The following FSTL4 variants were observed in gnomAD, a reference collection of about 807,000 sequenced individuals.
FSTL4 encodes the protein follistatin-related protein 4.
FSTL4 carries 28 observed loss-of-function variants against 78.2 expected under a neutral mutation model. That is an observed-to-expected ratio of 0.36 (90% CI 0.27 to 0.49). The LOEUF is 0.49. FSTL4 is among the 20% of genes least tolerant of loss of function. FSTL4 has a pLI of 0.98. For synonymous variants in FSTL4, 422 were observed against 440.5 expected (o/e 0.96, Z 0.53); for missense variants, 922 against 1,084.9 (o/e 0.85, Z 2.11).
intron 4 of FSTL4, among the ~76,000 whole-genome samples, chr5:133,341,743 G>T (rs1182607955): frequency 6.6e-6 from 1 of 152,138 alleles, no homozygotes; most frequent in Non-Finnish European, 1.5e-5. Context: ...GAAACCCTAG[G>T]TGTCAACCTT....
intron 3 of FSTL4, among the ~76,000 whole-genome samples, chr5:133,491,412 T>G (rs960632057): frequency 6.6e-6 from 1 of 151,654 alleles, no homozygotes; most frequent in Admixed American, 6.6e-5. Flanking sequence ...TTTTTTTTTT[T>G]TTTTTGAGAC....
At chr5:133,796,409 C>T in the FSTL4 span, among the ~76,000 whole-genome samples, 32 of 152,290 alleles carry the variant, frequency 2.1e-4, no homozygotes, top group Middle Eastern at 6.8e-3. Context: ...TCCTGTATCC[C>T]GAGCTCTGGT....
the FSTL4 span, among the ~76,000 whole-genome samples, chr5:133,824,554 T>A: frequency 6.6e-6 from 1 of 152,070 alleles, no homozygotes; most frequent in African/African-American, 2.4e-5. Flanking sequence ...AGTATCAGAG[T>A]ACCTGAGTAT....
intron 4 of FSTL4, among the ~76,000 whole-genome samples, chr5:133,335,330 G>A (rs1754439042): frequency 2.6e-5 from 4 of 151,882 alleles, no homozygotes; most frequent in Admixed American, 2.6e-4. Flanking sequence ...TCCCCTCCTA[G>A]GCTTCTCAAG....
chr5:133,716,558 A>C, the FSTL4 span, among the ~76,000 whole-genome samples: 1 of 152,148 alleles, frequency 6.6e-6, no homozygotes, highest in South Asian at 2.1e-4. Flanking sequence ...CTTCTGTGTA[A>C]AAGATATTAA....
chr5:133,264,382 T>G (rs1752599496), intron 6 of FSTL4, among the ~76,000 whole-genome samples: 2 of 152,148 alleles, frequency 1.3e-5, no homozygotes, highest in African/African-American at 2.4e-5. Flanking sequence ...AACTCACCCG[T>G]GTCTTGGTGG....
At position 133,236,966 on chromosome 5, in the gene FSTL4, C is replaced by T. The variant is rs1054071966; in HGVS notation, c.895-3429G>A. 6.6e-6 allele frequency among the ~76,000 whole-genome samples: 1 copy of T among 152,186 alleles called. No individual in the cohort carries two copies. ...GGCAGGGAGGCTTGTGCCCTGTGTG[C>T]CTGTCACAGTCCTGGTGCACAGTGG... is the stretch of plus-strand genomic sequence containing the variant. On this transcript the variant is annotated intron_variant, in intron 7 of 15. Coordinates refer to ENST00000265342, the MANE Select transcript of FSTL4 (RefSeq NM_015082.2). This position sits in a 1 kb window ranked among gnomAD's most constrained non-coding sequence, Gnocchi z 5.0.
chr5:133,570,166 G>C (rs1354989710), intron 2 of FSTL4, among the ~76,000 whole-genome samples: 1 of 150,716 alleles, frequency 6.6e-6, no homozygotes, highest in Non-Finnish European at 1.5e-5. Flanking sequence ...CCGAGATCGC[G>C]CCACTGCACT....
At chr5:133,800,255 A>AC in the FSTL4 span, among the ~76,000 whole-genome samples, 1 of 138,110 alleles carries the variant, frequency 7.2e-6, no homozygotes, top group African/African-American at 2.7e-5. Context: ...TGGGATAGAG[A>AC]CAGTACTCAG....
intron 15 of FSTL4, among the ~76,000 whole-genome samples, chr5:133,200,197 C>T (rs536718401): frequency 8.5e-4 from 130 of 152,196 alleles, no homozygotes; most frequent in Non-Finnish European, 1.7e-3. Flanking sequence ...ATCCCTGCCC[C>T]GATTCTGCCT....
chr5:133,590,961 G>A (rs1470990587), intron 2 of FSTL4, among the ~76,000 whole-genome samples: 1 of 152,174 alleles, frequency 6.6e-6, no homozygotes, highest in African/African-American at 2.4e-5. Context: ...GATGGAGCAT[G>A]GAGCCTTCGT....
At chr5:133,252,590 T>C (rs1387650621) in intron 6 of FSTL4, among the ~76,000 whole-genome samples, 3 of 150,512 alleles carry the variant, frequency 2.0e-5, no homozygotes, top group Admixed American at 6.6e-5. Flanking sequence ...TCTGGGTACA[T>C]AGAGAGGGGG....
chr5:133,765,696 A>G, the FSTL4 span, among the ~76,000 whole-genome samples: 5 of 152,334 alleles, frequency 3.3e-5, no homozygotes, highest in East Asian at 9.6e-4. Context: ...GAGGGAGGCT[A>G]CAATAACAAG....
the FSTL4 span, among the ~76,000 whole-genome samples, chr5:133,643,431 T>C: frequency 3.3e-5 from 5 of 152,170 alleles, no homozygotes; most frequent in Admixed American, 2.6e-4. Context: ...GGCTATTGTG[T>C]AGGGATGGGC....
intron 3 of FSTL4, among the ~76,000 whole-genome samples, chr5:133,507,460 C>T (rs1397048205): frequency 2.0e-5 from 3 of 152,030 alleles, no homozygotes; most frequent in East Asian, 1.9e-4. Context: ...TAACTACGTA[C>T]AGTCGGCCCT....
At chr5:133,535,289 C>A (rs1282932478) in intron 3 of FSTL4, among the ~76,000 whole-genome samples, 1 of 152,144 alleles carries the variant, frequency 6.6e-6, no homozygotes, top group Non-Finnish European at 1.5e-5. Context: ...CCAAAACTGG[C>A]CATTAAAAAA....
intron 2 of FSTL4, among the ~76,000 whole-genome samples, chr5:133,580,948 C>T (rs187624988): frequency 1.3e-5 from 2 of 152,296 alleles, no homozygotes; most frequent in East Asian, 3.9e-4. Flanking sequence ...CCGACTCCTA[C>T]CCACACTCAT....
At chr5:133,832,855 A>G in the FSTL4 span, among the ~76,000 whole-genome samples, 8 of 152,256 alleles carry the variant, frequency 5.3e-5, no homozygotes, top group African/African-American at 1.9e-4. Flanking sequence ...TGGCACCACC[A>G]AAGCAGCCAT....
chr5:133,322,746 G>T (rs1754101855), intron 4 of FSTL4, among the ~76,000 whole-genome samples: 1 of 152,178 alleles, frequency 6.6e-6, no homozygotes, highest in African/African-American at 2.4e-5. Context: ...CCCAAATGAG[G>T]ACTGAGTCCA....
Sources: allele counts gnomAD v4.1 joint callset (sites outside exome capture counted in the v4.1 genomes callset), GRCh38; gene constraint gnomAD v4.1.1; non-coding constraint Gnocchi (gnomAD v3.1); transcripts MANE v1.5; gene names NCBI Gene and HGNC (gene_info 2026-07-23, HGNC 2026-07-21).